The following LRFN5 variants were observed in gnomAD, a reference collection of about 807,000 sequenced individuals.
LRFN5 encodes the protein leucine rich repeat and fibronectin type III domain containing 5, also known as leucine-rich repeat and fibronectin type-III domain-containing protein 5.
A neutral mutation model predicts 45.6 loss-of-function variants in LRFN5; 24 were observed. That is an observed-to-expected ratio of 0.53 (90% CI 0.38 to 0.74). The LOEUF (loss-of-function observed/expected upper bound fraction) is 0.74, where lower values mean the gene tolerates loss of function less well. Ranked by LOEUF, LRFN5 falls within the 30% of genes least tolerant of loss-of-function variation. LRFN5 has a pLI of 0.00. For missense variants in LRFN5, 776 were observed against 861.5 expected (o/e 0.90, Z 1.24); for synonymous variants, 340 against 313.8 (o/e 1.08, Z -0.88).
At chr14:41,756,610 C>G (rs552133926) in intron 1 of LRFN5, among the ~76,000 whole-genome samples, 1 of 152,202 alleles carries the variant, frequency 6.6e-6, no homozygotes, top group Non-Finnish European at 1.5e-5. Flanking sequence ...ATCTCCATCA[C>G]GTCCTTTAAG....
At chr14:41,868,420 G>A (rs573223244) in intron 2 of LRFN5, among the ~76,000 whole-genome samples, 5 of 152,150 alleles carry the variant, frequency 3.3e-5, no homozygotes, top group South Asian at 2.1e-4. Flanking sequence ...TTGAATGCAC[G>A]GTGGTAGCCA....
chr14:41,888,003 G>A lies in LRFN5; in HGVS notation c.1378G>A (p.Val460Ile). 6.3e-7 allele frequency: 1 copy of A among 1,586,594 alleles called. No homozygotes were observed. The highest frequency in any genetic ancestry group is 1.2e-5 in the South Asian group (1 of 86,706). ...CAATGGTACTTATGATGACACCCTTGTTTACAGGTAAGAAAAATTGAGCAA... is the reference window on the plus strand; with the variant it reads ...CAATGGTACTTATGATGACACCCTTATTTACAGGTAAGAAAAATTGAGCAA... ...QYNGTYDDTL[V>I]YRMIPPTSKT... Residue 460 changes from valine (V) to isoleucine (I), a missense_variant, in exon 3 of 6, where the codon GTT (valine) becomes ATT (isoleucine). Physicochemically the swap from Val to Ile is conservative, Grantham distance 29 (BLOSUM62 3). Transcript: ENST00000298119.
chr14:41,678,508 A>G (rs1050177225), intron 1 of LRFN5, among the ~76,000 whole-genome samples: 2 of 152,188 alleles, frequency 1.3e-5, no homozygotes, highest in African/African-American at 4.8e-5. Context: ...CAACAAAGGA[A>G]TAAAGACTTG....
At chr14:41,829,560 G>A (rs1475244) in intron 2 of LRFN5, among the ~76,000 whole-genome samples, 1 of 151,378 alleles carries the variant, frequency 6.6e-6, no homozygotes, top group Non-Finnish European at 1.5e-5. Context: ...TAATGGTTGT[G>A]TTCCTCTTGA....
At chr14:41,899,518 G>A (rs184988788) in intron 5 of LRFN5, among the ~76,000 whole-genome samples, 1 of 152,154 alleles carries the variant, frequency 6.6e-6, no homozygotes, top group East Asian at 1.9e-4. Context: ...TTTTTTTAGG[G>A]GGGATGTTTG....
chr14:41,674,122 G>A (rs1594603844), intron 1 of LRFN5, among the ~76,000 whole-genome samples: 1 of 142,508 alleles, frequency 7.0e-6, no homozygotes, highest in African/African-American at 2.6e-5. Flanking sequence ...CCTGGCAGAG[G>A]GGCTCCTCAC....
chr14:41,814,251 A>C (rs1453045707), intron 2 of LRFN5, among the ~76,000 whole-genome samples: 1 of 152,202 alleles, frequency 6.6e-6, no homozygotes, highest in East Asian at 1.9e-4. Flanking sequence ...TATGTCCTGA[A>C]TGGTATTGGA....
chr14:41,769,453 G>C (rs1193252199), intron 2 of LRFN5, among the ~76,000 whole-genome samples: 1 of 151,996 alleles, frequency 6.6e-6, no homozygotes, highest in Non-Finnish European at 1.5e-5. Flanking sequence ...TGTGCCTGTA[G>C]GTACATGCTT....
At chr14:41,688,766 C>T (rs1882233248) in intron 1 of LRFN5, among the ~76,000 whole-genome samples, 1 of 151,894 alleles carries the variant, frequency 6.6e-6, no homozygotes, top group Non-Finnish European at 1.5e-5. Flanking sequence ...TCAATGTAGA[C>T]CTGGAAATGC....
intron 2 of LRFN5, among the ~76,000 whole-genome samples, chr14:41,822,853 G>GTTTTTT (rs3032270): frequency 7.3e-6 from 1 of 136,268 alleles, no homozygotes; most frequent in African/African-American, 2.7e-5. Context: ...ATTTAGGGTT[G>GTTTTTT]TTTTTTTTTT....
At chr14:41,648,450 C>T (rs1020808822) in intron 1 of LRFN5, among the ~76,000 whole-genome samples, 1 of 151,822 alleles carries the variant, frequency 6.6e-6, no homozygotes. Flanking sequence ...GGCAACCAAG[C>T]GAGACTTTTG....
In LRFN5 at chr14:41,727,857, A is replaced by G. The variant is rs75789552; in HGVS notation, c.-196-38997A>G. Among the ~76,000 whole-genome samples, 14 of 152,252 alleles carry G rather than the reference A, an allele frequency of 9.2e-5. No individual in the cohort carries two copies. The East Asian group carries it at 2.7e-3, about 29-fold the overall frequency. On this transcript the variant is annotated intron_variant, in intron 1 of 5. Transcript: ENST00000298119. ...ATTTTCTGCATTTATAAAATATTCC[A>G]ACTATGAAAGTTAGGTGAGTATTGA...
chr14:41,781,569 A>C (rs1886492127), intron 2 of LRFN5, among the ~76,000 whole-genome samples: 1 of 60,596 alleles, frequency 1.7e-5, no homozygotes, highest in Admixed American at 1.6e-4. Context: ...AGAAAGAAAG[A>C]AAGAAAGAAA....
chr14:41,757,744 G>A (rs554669257), intron 1 of LRFN5, among the ~76,000 whole-genome samples: 6 of 152,192 alleles, frequency 3.9e-5, no homozygotes, highest in Admixed American at 1.3e-4. Context: ...GCTCACGCTC[G>A]GTGCGCTGCA....
intron 2 of LRFN5, among the ~76,000 whole-genome samples, chr14:41,795,957 C>T (rs569037043): frequency 1.3e-5 from 2 of 151,710 alleles, no homozygotes; most frequent in South Asian, 2.1e-4. Context: ...ACTCTGTCAT[C>T]GGATTTGTAT....
intron 1 of LRFN5, among the ~76,000 whole-genome samples, chr14:41,681,001 A>G (rs1258689711): frequency 6.6e-6 from 1 of 152,116 alleles, no homozygotes; most frequent in Non-Finnish European, 1.5e-5. Flanking sequence ...ACAGTCTCTT[A>G]ACAGCCAAAT....
chr14:41,901,733 T>C (rs1045975145), intron 5 of LRFN5, among the ~76,000 whole-genome samples: 3 of 151,916 alleles, frequency 2.0e-5, no homozygotes, highest in African/African-American at 4.8e-5. Flanking sequence ...ATACATGAAA[T>C]AAGAGCCAAA....
At chr14:41,631,972 G>A (rs895544096) in intron 1 of LRFN5, among the ~76,000 whole-genome samples, 1 of 152,112 alleles carries the variant, frequency 6.6e-6, no homozygotes, top group African/African-American at 2.4e-5. Flanking sequence ...ATATTATAAA[G>A]GATTGCTCTG....
intron 1 of LRFN5, among the ~76,000 whole-genome samples, chr14:41,739,961 C>T (rs908876217): frequency 1.1e-4 from 16 of 148,620 alleles, no homozygotes; most frequent in African/African-American, 3.7e-4. Flanking sequence ...AAATAAAATT[C>T]CTAGAAACAT....
Sources: allele counts gnomAD v4.1 joint callset (sites outside exome capture counted in the v4.1 genomes callset), GRCh38; gene constraint gnomAD v4.1.1; transcripts MANE v1.5; gene names NCBI Gene and HGNC (gene_info 2026-07-23, HGNC 2026-07-21).